MEGF6: variants seen among roughly 807,000 people sequenced by gnomAD.
MEGF6 encodes multiple EGF like domains 6.
A neutral mutation model predicts 207.1 loss-of-function variants in MEGF6; 184 were observed. The ratio of observed to expected loss-of-function variants is 0.89; its 90% CI spans 0.79 to 1.00. The LOEUF is 1.00. MEGF6 is among the 50% of genes least tolerant of loss of function. The pLI is 0.00. For missense variants in MEGF6, 2,282 were observed against 2,202.9 expected (o/e 1.04, Z -0.72); for synonymous variants, 1,038 against 910.0 (o/e 1.14, Z -2.53).
rs57692280 is a variant in MEGF6, at chr1:3,556,591, G to C, written c.481+23234C>G. On this transcript the variant is annotated intron_variant, in intron 4 of 36. Transcript: ENST00000356575. This position sits in a 1 kb window ranked among gnomAD's most constrained non-coding sequence, Gnocchi z 4.4. The stretch of plus-strand genomic sequence containing the variant: ...CAGCAGCGGAACTACCTGCAAATGA[G>C]AGGACAGAGGACCCGGTGACTGCCT... 0.099 allele frequency among the ~76,000 whole-genome samples: 15,059 copies of C among 152,156 alleles called. 1,262 individuals are homozygous for C. The highest frequency in any genetic ancestry group is 0.26 in the East Asian group (1,315 of 5,138).
Position 3,512,026 on chromosome 1 carries a change from G to C in MEGF6, c.956C>G (p.Ala319Gly). Residue 319 changes from alanine to glycine, a missense_variant, in exon 8 of 37, where the codon GCC (alanine) becomes GGC (glycine). Ala to Gly is a moderately conservative substitution (Grantham distance 60, BLOSUM62 0). Transcript: ENST00000356575. ...CTCACGGTAGCACTGCCGGCCATCG[G>C]CGCCCAGCTCATAGCCCGCGTGACA... is the stretch of plus-strand genomic sequence containing the variant. ...CVCHAGYELG[A>G]DGRQCYRIEM... 6.2e-7 allele frequency: 1 copy of C among 1,612,562 alleles called. No homozygotes were observed.
chr1:3,507,771 A>G, intron 14 of MEGF6, 24 bp downstream of exon 14: 1 of 1,612,636 alleles, frequency 6.2e-7, no homozygotes, highest in Non-Finnish European at 8.5e-7. Context: ...TAATTCCAGA[A>G]GCACCAGAAG....
intron 5 of MEGF6, among the ~76,000 whole-genome samples, chr1:3,518,105 A>G (rs989272959): frequency 2.6e-5 from 4 of 152,196 alleles, no homozygotes; most frequent in Non-Finnish European, 5.9e-5. Context: ...TCTGTTATGA[A>G]TGGAATGTGT....
chr1:3,507,086 A>G (rs1641146922), intron 14 of MEGF6, among the ~76,000 whole-genome samples: 1 of 152,186 alleles, frequency 6.6e-6, no homozygotes, highest in African/African-American at 2.4e-5. Context: ...GGGAAGAGGT[A>G]GGAAGCCCTG....
chr1:3,540,118 G>A (rs1642467530), intron 4 of MEGF6, among the ~76,000 whole-genome samples: 1 of 152,246 alleles, frequency 6.6e-6, no homozygotes, highest in African/African-American at 2.4e-5. Flanking sequence ...GTTCTAGGCA[G>A]TCAGAGAAAG....
chr1:3,550,335 A>C (rs1044393156), intron 4 of MEGF6, among the ~76,000 whole-genome samples: 2 of 152,212 alleles, frequency 1.3e-5, no homozygotes, highest in African/African-American at 4.8e-5. Context: ...GAGGAACCTC[A>C]AACCTCGTGC....
At chr1:3,569,359 T>A (rs1012357033) in intron 4 of MEGF6, among the ~76,000 whole-genome samples, 1 of 152,300 alleles carries the variant, frequency 6.6e-6, no homozygotes, top group Admixed American at 6.5e-5. Context: ...CAATACCAAG[T>A]CCATCACTGA....
intron 10 of MEGF6, among the ~76,000 whole-genome samples, chr1:3,510,450 G>A (rs1025642595): frequency 6.8e-6 from 1 of 147,742 alleles, no homozygotes; most frequent in Non-Finnish European, 1.5e-5. Context: ...CGCAGCAGGC[G>A]CTCAACCAAC....
At chr1:3,600,520 G>C (rs1644140568) in intron 2 of MEGF6, among the ~76,000 whole-genome samples, 1 of 152,192 alleles carries the variant, frequency 6.6e-6, no homozygotes, top group South Asian at 2.1e-4. Flanking sequence ...CGGGGAACAG[G>C]GCTGGCTCCT....
At chr1:3,541,241 G>A (rs1000306962) in intron 4 of MEGF6, among the ~76,000 whole-genome samples, 1 of 152,232 alleles carries the variant, frequency 6.6e-6, no homozygotes, top group Non-Finnish European at 1.5e-5. Flanking sequence ...GAGCGGGGCT[G>A]CCGCCCAGGC....
In MEGF6 at chr1:3,543,176, G is replaced by A. The variant is rs571933877; in HGVS notation, c.482-18930C>T. 6.6e-5 allele frequency among the ~76,000 whole-genome samples: 10 copies of A among 152,300 alleles called. No homozygotes were observed. In the South Asian group the frequency reaches 8.3e-4, roughly 13 times the overall value. On this transcript the variant is annotated intron_variant, in intron 4 of 36. Transcript: ENST00000356575. The stretch of plus-strand genomic sequence containing the variant: ...CTGGCCTGGAGACGCTCCCAGGGCC[G>A]GGGCACCCTGAGGCCAGTCTCCTGT...
upstream of MEGF6, among the ~76,000 whole-genome samples, chr1:3,615,989 A>G (rs1040757614): frequency 6.6e-6 from 1 of 152,234 alleles, no homozygotes; most frequent in Non-Finnish European, 1.5e-5. Context: ...ACTAAAAGAC[A>G]CTACCTTTCC....
At chr1:3,547,597 C>T (rs1244527345) in intron 4 of MEGF6, among the ~76,000 whole-genome samples, 3 of 152,164 alleles carry the variant, frequency 2.0e-5, no homozygotes, top group East Asian at 3.9e-4. Context: ...CTCCCGCCTT[C>T]GGACAGCCCC....
chr1:3,498,609 C>T (rs1420415722), intron 25 of MEGF6, 89 bp downstream of exon 25: 12 of 1,482,662 alleles, frequency 8.1e-6, no homozygotes, highest in Non-Finnish European at 1.1e-5. Context: ...CAGGGCGCTG[C>T]CCCCTGACCT....
intron 4 of MEGF6, among the ~76,000 whole-genome samples, chr1:3,548,722 G>C (rs373651903): frequency 6.6e-6 from 1 of 152,164 alleles, no homozygotes; most frequent in African/African-American, 2.4e-5. Context: ...CACAGCTGCT[G>C]GCACAGCTGG....
Position 3,575,860 on chromosome 1 carries a change from G to C in MEGF6, c.481+3965C>G, listed in dbSNP as rs779896506. On this transcript the variant is annotated intron_variant, in intron 4 of 36. Coordinates refer to ENST00000356575, the MANE Select transcript of MEGF6 (RefSeq NM_001409.4). ...ACACAGCCAAACCATATCAGCTGGGGACAAAGTCTGCACCTGAGCCATCAC... is the reference window on the plus strand; with the variant it reads ...ACACAGCCAAACCATATCAGCTGGGCACAAAGTCTGCACCTGAGCCATCAC... Among the ~76,000 whole-genome samples the C allele has an allele frequency of 8.3e-4, 127 of 152,270 alleles. 1 individual carries two copies. Among genetic ancestry groups the C allele is most frequent in the Non-Finnish European group, 1.1e-3 (76 of 68,022 alleles).
chr1:3,596,923 C>T (rs991932969), intron 2 of MEGF6, among the ~76,000 whole-genome samples: 18 of 152,188 alleles, frequency 1.2e-4, no homozygotes, highest in Non-Finnish European at 2.5e-4. Context: ...ATCACAGCCC[C>T]ATCCCGGGGC....
Position 3,498,359 on chromosome 1 carries a change from C to A in MEGF6, c.3352+12G>T. ...GGGCCTGCAGACCCCCCTGCTGCCCCGCCCCACTCACGGCTCTGACACTTG... is the reference window on the plus strand; with the variant it reads ...GGGCCTGCAGACCCCCCTGCTGCCCAGCCCCACTCACGGCTCTGACACTTG... On this transcript the variant is annotated intron_variant, in intron 26 of 36. Coordinates refer to ENST00000356575, the MANE Select transcript of MEGF6 (RefSeq NM_001409.4). The A allele has an allele frequency of 6.3e-7, 1 of 1,598,024 alleles. No homozygotes were observed.
At chr1:3,567,982 T>C (rs1244735342) in intron 4 of MEGF6, among the ~76,000 whole-genome samples, 1 of 152,140 alleles carries the variant, frequency 6.6e-6, no homozygotes, top group Non-Finnish European at 1.5e-5. Flanking sequence ...TCACAGGCAC[T>C]GCCGTGCTGT....
Sources: gnomAD v4.1 joint callset for allele counts (sites outside exome capture counted in the v4.1 genomes callset) on GRCh38, gnomAD v4.1.1 for gene constraint, Gnocchi (gnomAD v3.1) non-coding constraint, MANE v1.5 for transcripts, NCBI Gene and HGNC (gene_info 2026-07-23, HGNC 2026-07-21) for gene names.